DAG1: variants seen among roughly 807,000 people sequenced by gnomAD.
DAG1 encodes the protein dystroglycan 1 (dystrophin-associated glycoprotein 1).
DAG1 carries 8 observed loss-of-function variants against 46.1 expected under a neutral mutation model. The ratio of observed to expected loss-of-function variants is 0.17; its 90% CI spans 0.10 to 0.31. The LOEUF (loss-of-function observed/expected upper bound fraction) is 0.31, where lower values mean the gene tolerates loss of function less well. Among genes scored for constraint, DAG1 ranks in the 10% least tolerant of loss-of-function variants. The pLI is 1.00. For missense variants in DAG1, 1,003 were observed against 1,189.9 expected (o/e 0.84, Z 2.31); for synonymous variants, 495 against 481.8 (o/e 1.03, Z -0.36).
chr3:49,500,877 C>CTCTATCTGAA (rs1239420875), intron 1 of DAG1, among the ~76,000 whole-genome samples: 1 of 152,120 alleles, frequency 6.6e-6, no homozygotes, highest in African/African-American at 2.4e-5. Flanking sequence ...TCTGTAGCGT[C>CTCTATCTGAA]TCTATCTGAA....
chr3:49,531,145 C>T lies in DAG1; in HGVS notation c.634C>T (p.His212Tyr), dbSNP rs146574353. The T allele has an allele frequency of 6.2e-7, 1 of 1,614,066 alleles. No individual in the cohort carries two copies. Among genetic ancestry groups the T allele is most frequent in the South Asian group, 1.1e-5 (1 of 91,080 alleles). The change falls in exon 3 of 3, where the codon CAC becomes TAC. Residue 212 changes from histidine to tyrosine, a missense_variant. Transcript: ENST00000308775. The surrounding 1 kb of genome is among the most constrained non-coding windows in gnomAD (Gnocchi z 7.0). ...MTPKQRIDLLHRMRSFSEVEL... is the reference protein window; with the variant it reads ...MTPKQRIDLLYRMRSFSEVEL... ...CCCAAAGCAAAGGATTGACCTCCTGCACAGGATGCGGAGCTTCTCAGAAGT... is the reference window on the plus strand; with the variant it reads ...CCCAAAGCAAAGGATTGACCTCCTGTACAGGATGCGGAGCTTCTCAGAAGT...
chr3:49,493,118 C>G (rs759958483), intron 1 of DAG1: 3 of 136,040 alleles, frequency 2.2e-5, no homozygotes, highest in Non-Finnish European at 4.5e-5. Context: ...GATCATGGCT[C>G]ACTGCAACCT....
intron 1 of DAG1, among the ~76,000 whole-genome samples, chr3:49,499,827 T>C (rs1456084226): frequency 6.6e-6 from 1 of 152,176 alleles, no homozygotes; most frequent in African/African-American, 2.4e-5. Flanking sequence ...CCAGTTACTG[T>C]ATAATGTTTT....
Position 49,528,302 on chromosome 3 carries a change from T to G in DAG1, c.286-2495T>G, listed in dbSNP as rs866675419. 9.9e-3 allele frequency among the ~76,000 whole-genome samples: 951 copies of G among 95,680 alleles called. 17 individuals are homozygous for G. The highest frequency in any genetic ancestry group is 0.035 in the African/African-American group (899 of 25,754). The allele number at this position is 95,680 out of a possible 152,430, so 62.8% of individuals were successfully genotyped here. The stretch of plus-strand genomic sequence containing the variant: ...TTTTTTTTTTTTTTTTTTTTTTTTT[T>G]GGGACAGAGTCTCACTCTGTCATTC... On this transcript the variant is annotated intron_variant, in intron 2 of 2. Transcript: ENST00000308775.
rs1196065831 is a variant in DAG1 at position 49,510,483 on chromosome 3, A to G, written c.-52A>G. On this transcript the variant is annotated 5_prime_UTR_variant, in exon 2 of 3. Transcript: ENST00000308775. ...GAGAACCCAGCTCTGGGACCAAGTC[A>G]CTTGCTTCCTTACTTAGCAAGACTA... The G allele has an allele frequency of 6.3e-7, 1 of 1,582,218 alleles. No homozygotes were observed. The highest frequency in any genetic ancestry group is 8.6e-7 in the Non-Finnish European group (1 of 1,157,328).
intron 1 of DAG1, among the ~76,000 whole-genome samples, chr3:49,493,685 A>C (rs925943190): frequency 2.0e-5 from 3 of 152,224 alleles, no homozygotes; most frequent in Admixed American, 2.0e-4. Flanking sequence ...TTTAACAAGC[A>C]GCCCAACATC....
chr3:49,471,803 T>G (rs183788226), intron 1 of DAG1, among the ~76,000 whole-genome samples: 1 of 152,170 alleles, frequency 6.6e-6, no homozygotes, highest in African/African-American at 2.4e-5. Context: ...TAGGGACCCA[T>G]GTAAAAGAGT....
At chr3:49,509,821 C>T (rs1244214290) in intron 1 of DAG1, among the ~76,000 whole-genome samples, 1 of 152,084 alleles carries the variant, frequency 6.6e-6, no homozygotes, top group Non-Finnish European at 1.5e-5. Flanking sequence ...CTCCACCTCC[C>T]GGGTTCAAGT....
chr3:49,474,046 C>T (rs1358425654), intron 1 of DAG1, among the ~76,000 whole-genome samples: 2 of 151,970 alleles, frequency 1.3e-5, no homozygotes, highest in Admixed American at 1.3e-4. Flanking sequence ...CGCCATCACT[C>T]CTGGCTAATA....
In DAG1 at chr3:49,510,757, G is replaced by A. The variant is rs2050742776; in HGVS notation, c.223G>A (p.Gly75Arg). ...CATTCCTGATGGCACGGCTGTCGTC[G>A]GGCGCTCATTTCGAGTGACCATTCC... The part of the protein sequence containing the change: ...VGIPDGTAVV[G>R]RSFRVTIPTD... The change falls in exon 2 of 3, where the codon GGG becomes AGG. Residue 75 changes from glycine (G) to arginine (R), a missense_variant. Around this residue, in one of 3 missense-constraint regions of DAG1, gnomAD observed 196 missense variants for 239.1 expected, o/e 0.82. Coordinates refer to ENST00000308775, the MANE Select transcript of DAG1 (RefSeq NM_004393.6). The A allele has an allele frequency of 1.9e-6, 3 of 1,614,006 alleles. No individual in the cohort carries two copies. Among genetic ancestry groups the A allele is most frequent in the Non-Finnish European group, 2.5e-6 (3 of 1,180,044 alleles).
intron 1 of DAG1, among the ~76,000 whole-genome samples, chr3:49,477,335 TGCTGGAGTGCAGTG>T (rs1273986039): frequency 6.6e-6 from 1 of 151,832 alleles, no homozygotes; most frequent in Non-Finnish European, 1.5e-5. Flanking sequence ...CTGTCACCCA[TGCTGGAGTGCAGTG>T]GCATGATTAC....
At chr3:49,473,172 T>C (rs1415382200) in intron 1 of DAG1, among the ~76,000 whole-genome samples, 1 of 151,290 alleles carries the variant, frequency 6.6e-6, no homozygotes, top group Non-Finnish European at 1.5e-5. Context: ...TCCCAGCACT[T>C]TGGGAGGCTG....
At chr3:49,501,639 C>CT (rs1375944283) in intron 1 of DAG1, among the ~76,000 whole-genome samples, 1 of 152,076 alleles carries the variant, frequency 6.6e-6, no homozygotes, top group African/African-American at 2.4e-5. Flanking sequence ...TGGCGAAACT[C>CT]TGTCTCCACT....
chr3:49,532,830 C>G lies in DAG1; in HGVS notation c.2319C>G (p.Ile773Met). ...TCATTGCTGGCATCATTGCCATGAT[C>G]TGCTACCGCAAGAAGCGGAAGGGCA... ...ILLIAGIIAM[I>M]CYRKKRKGKL... The change falls in exon 3 of 3, where the codon ATC (isoleucine) becomes ATG (methionine). Residue 773 changes from isoleucine (I) to methionine (M), a missense_variant. Transcript: ENST00000308775. The surrounding 1 kb of genome is among the most constrained non-coding windows in gnomAD (Gnocchi z 5.4). The G allele has an allele frequency of 1.9e-6, 3 of 1,614,104 alleles. No individual in the cohort carries two copies. The highest frequency in any genetic ancestry group is 1.7e-6 in the Non-Finnish European group (2 of 1,180,008).
upstream of DAG1, among the ~76,000 whole-genome samples, chr3:49,469,895 C>T (rs2049458677): frequency 6.6e-6 from 1 of 152,232 alleles, no homozygotes; most frequent in African/African-American, 2.4e-5. Context: ...CTTAGAGGCC[C>T]AAAGGCCTGA....
At chr3:49,500,398 G>A (rs900848822) in intron 1 of DAG1, among the ~76,000 whole-genome samples, 1 of 152,144 alleles carries the variant, frequency 6.6e-6, no homozygotes, top group Non-Finnish European at 1.5e-5. Flanking sequence ...GCAGATGCGA[G>A]CCACTTACTG....
At chr3:49,472,040 T>G (rs2049535270) in intron 1 of DAG1, among the ~76,000 whole-genome samples, 1 of 152,162 alleles carries the variant, frequency 6.6e-6, no homozygotes, top group African/African-American at 2.4e-5. Flanking sequence ...GTCCTCCAGC[T>G]TGGCAGGTGC....
At chr3:49,485,252 G>C (rs1442149287) in intron 1 of DAG1, among the ~76,000 whole-genome samples, 3 of 151,002 alleles carry the variant, frequency 2.0e-5, no homozygotes. Context: ...TGGGATTACA[G>C]GCGTGAGCCA....
rs1362120144 is a variant in DAG1, at chr3:49,470,306, G to C, written c.-244G>C. Reference sequence around the variant, plus strand: ...GCTCGCGCGAAGGCTGCGGCGCGGCGCTCGCGCCTCTTAGGCTTGGCGGTG... The same window carrying C: ...GCTCGCGCGAAGGCTGCGGCGCGGCCCTCGCGCCTCTTAGGCTTGGCGGTG... On this transcript the variant is annotated 5_prime_UTR_variant, in exon 1 of 3. Transcript: ENST00000308775. 1 of 152,152 alleles carries C rather than the reference G, an allele frequency of 6.6e-6. No homozygotes were observed. Among genetic ancestry groups the C allele is most frequent in the Non-Finnish European group, 1.5e-5 (1 of 68,096 alleles). The allele number at this position is 152,152 out of a possible 1,614,324, so 9.4% of individuals were successfully genotyped here.
Sources: gnomAD v4.1 joint callset for allele counts (sites outside exome capture counted in the v4.1 genomes callset) on GRCh38, gnomAD v4.1.1 for gene constraint, gnomAD v4.1.1 regional missense constraint, Gnocchi (gnomAD v3.1) non-coding constraint, MANE v1.5 for transcripts, NCBI Gene and HGNC (gene_info 2026-07-23, HGNC 2026-07-21) for gene names.